Variants in CLEC17A observed in about 807,000 individuals in gnomAD.
The protein encoded by CLEC17A is C-type lectin domain containing 17A.
Under a neutral mutation model 61.3 loss-of-function variants are expected in CLEC17A, and 37 were observed. That is an observed-to-expected ratio of 0.60 (90% CI 0.46 to 0.79). CLEC17A has a LOEUF of 0.79. Ranked by LOEUF, CLEC17A falls within the 30% of genes least tolerant of loss-of-function variation. The pLI is 0.00. For missense variants in CLEC17A, 418 were observed against 464.7 expected, an observed-to-expected ratio of 0.90 and a Z score of 0.92; for synonymous variants, 168 against 164.9, an observed-to-expected ratio of 1.02 and a Z score of -0.14.
At position 14,594,640 on chromosome 19, in the gene CLEC17A, A is replaced by T. The variant is rs1356515128; in HGVS notation, c.319A>T (p.Thr107Ser). Residue 107 changes from threonine (T) to serine (S), a missense_variant, in exon 6 of 14, where the codon ACA becomes TCA. Thr to Ser is a moderately conservative substitution (Grantham distance 58). Coordinates refer to ENST00000417570, the MANE Select transcript of CLEC17A (RefSeq NM_001204118.2). ...CATTCCTCCCTCCTCAGCAAAGGAA[A>T]CAGAGAAACCCCCACTTCCTTGCAA... Reference protein sequence around the residue: ...PPRPPRAAKETEKPPLPCKPR... With the variant: ...PPRPPRAAKESEKPPLPCKPR... 1.2e-6 allele frequency: 2 copies of T among 1,613,762 alleles called. No homozygotes were observed. The highest frequency in any genetic ancestry group is 1.7e-6 in the Non-Finnish European group (2 of 1,179,892).
In CLEC17A at chr19:14,610,262, T is replaced by C; in HGVS notation, c.*66T>C. On this transcript the variant is annotated 3_prime_UTR_variant, in exon 14 of 14. Coordinates refer to ENST00000417570, the MANE Select transcript of CLEC17A (RefSeq NM_001204118.2). Reference sequence around the variant, plus strand: ...TTTGAGATGAGAATCTCCTGCCCTTTCGTGGACGGCCTTGCCTCTTCGTGA... The same window carrying C: ...TTTGAGATGAGAATCTCCTGCCCTTCCGTGGACGGCCTTGCCTCTTCGTGA... 1 of 1,534,576 alleles carries C rather than the reference T, an allele frequency of 6.5e-7. No individual in the cohort carries two copies.
intron 13 of CLEC17A, among the ~76,000 whole-genome samples, chr19:14,608,628 A>AT (rs71166765): frequency 0.18 from 22,113 of 119,588 alleles, 2,503 homozygotes; most frequent in African/African-American, 0.22. Flanking sequence ...ATGAGGAAGA[A>AT]TTTTTTTTTT....
At chr19:14,593,333 CAAA>C (rs57379897) in intron 4 of CLEC17A, among the ~76,000 whole-genome samples, 6 of 85,800 alleles carry the variant, frequency 7.0e-5, no homozygotes, top group Non-Finnish European at 6.7e-5. Flanking sequence ...CCATCTCTAC[CAAA>C]AAAAAAAAAA....
upstream of CLEC17A, among the ~76,000 whole-genome samples, chr19:14,581,526 T>C (rs1288690770): frequency 1.3e-5 from 2 of 152,022 alleles, no homozygotes; most frequent in Non-Finnish European, 1.5e-5. Context: ...GAGATGGGAT[T>C]TCATCATGTT....
chr19:14,609,504 G>C (rs2074992667), intron 13 of CLEC17A, among the ~76,000 whole-genome samples: 1 of 152,160 alleles, frequency 6.6e-6, no homozygotes, highest in South Asian at 2.1e-4. Flanking sequence ...GTAAAAGAAA[G>C]AGTCCTTGGA....
intron 13 of CLEC17A, 88 bp from the exon 14 acceptor site, chr19:14,609,976 G>T: frequency 1.0e-6 from 1 of 975,358 alleles, no homozygotes; most frequent in Admixed American, 2.0e-5. Context: ...AATGCGTAGT[G>T]CCAGGTATTC....
At chr19:14,587,815 G>A (rs2074321468) in intron 3 of CLEC17A, 124 bp downstream of exon 3, 1 of 1,527,154 alleles carries the variant, frequency 6.5e-7, no homozygotes, top group South Asian at 1.3e-5. Context: ...CGGGCACTGT[G>A]GAACCCACAC....
At chr19:14,608,694 T>A (rs1035504928) in intron 13 of CLEC17A, among the ~76,000 whole-genome samples, 3 of 145,992 alleles carry the variant, frequency 2.1e-5, no homozygotes, top group Admixed American at 7.1e-5. Flanking sequence ...AGTGCAGTGG[T>A]GCAGTCTTGA....
chr19:14,603,582 C>A (rs1057107271), intron 12 of CLEC17A, among the ~76,000 whole-genome samples: 16 of 152,038 alleles, frequency 1.1e-4, no homozygotes, highest in African/African-American at 3.9e-4. Flanking sequence ...GATTTAGCCT[C>A]CCAAGTAACT....
intron 10 of CLEC17A, among the ~76,000 whole-genome samples, chr19:14,599,381 G>T (rs1410327435): frequency 6.6e-6 from 1 of 151,868 alleles, no homozygotes; most frequent in Non-Finnish European, 1.5e-5. Context: ...AGCCACCATG[G>T]GCAGCCTGCA....
intron 11 of CLEC17A, 105 bp from the exon 12 acceptor site, chr19:14,599,926 C>A (rs1041670114): frequency 1.3e-6 from 2 of 1,520,890 alleles, no homozygotes; most frequent in Admixed American, 1.9e-5. Flanking sequence ...GCCCCTCCCC[C>A]TCACCGGAGT....
chr19:14,599,603 T>TGGACACAGTGGG (rs2074651779), intron 10 of CLEC17A, 114 bp from the exon 11 acceptor site: 1 of 770,704 alleles, frequency 1.3e-6, no homozygotes, highest in Admixed American at 2.0e-5. Context: ...CACTGGAATG[T>TGGACACAGTGGG]GGACACAGTG....
intron 2 of CLEC17A, among the ~76,000 whole-genome samples, chr19:14,587,104 G>C (rs1214242060): frequency 1.3e-5 from 2 of 151,736 alleles, no homozygotes; most frequent in Non-Finnish European, 2.9e-5. Context: ...GGTTGCCCAG[G>C]CTGATCTCGA....
intron 8 of CLEC17A, 69 bp from the exon 9 acceptor site, chr19:14,596,807 C>T (rs1426724092): frequency 2.6e-6 from 4 of 1,543,886 alleles, no homozygotes; most frequent in Non-Finnish European, 3.5e-6. Context: ...TGGACAAAGA[C>T]TTAAGAGTCT....
intron 8 of CLEC17A, among the ~76,000 whole-genome samples, chr19:14,596,367 C>T (rs150226312): frequency 9.2e-5 from 14 of 152,252 alleles, no homozygotes; most frequent in Non-Finnish European, 2.1e-4. Context: ...CAGTGGCTTA[C>T]GCCTGTAATC....
At chr19:14,609,949 T>C in intron 13 of CLEC17A, 115 bp from the exon 14 acceptor site, 3 of 737,860 alleles carry the variant, frequency 4.1e-6, no homozygotes, top group South Asian at 1.7e-5. Context: ...ACACACGGCC[T>C]AATATGGGTT....
Position 14,596,902 on chromosome 19 carries a change from A to G in CLEC17A, c.472A>G (p.Arg158Gly). ...AATPVPWLNQ[R>G]SGGPGCCQKR... ...AACTCCAGTCCCCTGGCTCAATCAG[A>G]GGTCTGGAGGTCCTGGCTGCTGCCA... The change falls in exon 9 of 14, where the codon AGG (arginine) becomes GGG (glycine). Residue 158 changes from arginine (R) to glycine (G), a missense_variant. By Grantham distance (125) the Arg-to-Gly change is moderately radical. Transcript: ENST00000417570. 6.2e-7 allele frequency: 1 copy of G among 1,608,406 alleles called. No homozygotes were observed. Among genetic ancestry groups the G allele is most frequent in the Non-Finnish European group, 8.5e-7 (1 of 1,177,406 alleles).
intron 10 of CLEC17A, among the ~76,000 whole-genome samples, chr19:14,599,079 C>CTTTTTTTTTTTTTTTTTT (rs796835309): frequency 3.5e-5 from 2 of 56,944 alleles, no homozygotes; most frequent in Admixed American, 2.0e-4. Context: ...TGTATCTTTG[C>CTTTTTTTTTTTTTTTTTT]TTTTTTTTTT....
chr19:14,582,791 A>G (rs192776399), upstream of CLEC17A, among the ~76,000 whole-genome samples: 3 of 151,982 alleles, frequency 2.0e-5, no homozygotes, highest in East Asian at 5.9e-4. Flanking sequence ...TATTTTTAGT[A>G]GAGACTGGGT....
Sources: gnomAD v4.1 joint callset for allele counts (sites outside exome capture counted in the v4.1 genomes callset) on GRCh38, gnomAD v4.1.1 for gene constraint, MANE v1.5 for transcripts, NCBI Gene and HGNC (gene_info 2026-07-23, HGNC 2026-07-21) for gene names.